PREX2: variants seen among roughly 807,000 people sequenced by gnomAD.
PREX2 encodes the protein phosphatidylinositol-3,4,5-trisphosphate dependent Rac exchange factor 2.
Under a neutral mutation model 203.2 loss-of-function variants are expected in PREX2, and 107 were observed. That is an observed-to-expected ratio of 0.53 (90% confidence interval 0.45 to 0.62). PREX2 has a LOEUF of 0.62. Among genes scored for constraint, PREX2 ranks in the 20% least tolerant of loss-of-function variants. The probability of loss-of-function intolerance (pLI) is 0.00; values close to 1 mark genes in which losing one functional copy is unlikely to be tolerated. For missense variants in PREX2, 1,777 were observed against 1,955.9 expected, an observed-to-expected ratio of 0.91 and a Z score of 1.72; for synonymous variants, 672 against 663.6, an observed-to-expected ratio of 1.01 and a Z score of -0.19.
At chr8:67,953,395 A>G (rs1052799741) in intron 1 of PREX2, among the ~76,000 whole-genome samples, 2 of 152,136 alleles carry the variant, frequency 1.3e-5, no homozygotes, top group Admixed American at 6.5e-5. Flanking sequence ...CTGCTGAGAT[A>G]ACACTCAAAA....
intron 30 of PREX2, among the ~76,000 whole-genome samples, chr8:68,127,031 C>G (rs1306223133): frequency 2.0e-5 from 3 of 152,022 alleles, no homozygotes; most frequent in Non-Finnish European, 1.5e-5. Flanking sequence ...GAACACCAAG[C>G]AGGCTAAAAC....
chr8:68,072,348 G>C, intron 13 of PREX2, 147 bp from the exon 14 acceptor site: 1 of 522,868 alleles, frequency 1.9e-6, no homozygotes, highest in Non-Finnish European at 3.4e-6. Context: ...TCTCTTATTT[G>C]CATGTAATTT....
intron 20 of PREX2, among the ~76,000 whole-genome samples, chr8:68,091,356 T>C (rs1809868722): frequency 6.6e-6 from 1 of 152,232 alleles, no homozygotes; most frequent in Non-Finnish European, 1.5e-5. Context: ...GCAAAGCTAT[T>C]ATGAAGAAAA....
intron 1 of PREX2, among the ~76,000 whole-genome samples, chr8:67,973,735 G>A (rs1053702082): frequency 6.6e-6 from 1 of 152,028 alleles, no homozygotes; most frequent in African/African-American, 2.4e-5. Context: ...TTTTTTGTGT[G>A]GTATATCACA....
intron 1 of PREX2, among the ~76,000 whole-genome samples, chr8:67,961,404 G>T (rs1184721672): frequency 2.0e-5 from 3 of 151,762 alleles, no homozygotes; most frequent in Admixed American, 2.0e-4. Context: ...TTAAAATCAA[G>T]ATCTTTGATT....
At chr8:68,188,084 T>C (rs1370430037) in intron 35 of PREX2, among the ~76,000 whole-genome samples, 1 of 152,204 alleles carries the variant, frequency 6.6e-6, no homozygotes, top group Non-Finnish European at 1.5e-5. Context: ...TTTGTGATGC[T>C]TGGTGTTTAA....
chr8:68,178,758 T>C (rs905745791), intron 35 of PREX2, among the ~76,000 whole-genome samples: 1 of 152,296 alleles, frequency 6.6e-6, no homozygotes, highest in Admixed American at 6.5e-5. Context: ...CTTTTGTGTT[T>C]GCTTTAATAA....
At chr8:67,973,493 T>G (rs1196012409) in intron 1 of PREX2, among the ~76,000 whole-genome samples, 1 of 152,190 alleles carries the variant, frequency 6.6e-6, no homozygotes, top group African/African-American at 2.4e-5. Flanking sequence ...TATCCATACT[T>G]GAATATCTTT....
At chr8:68,058,439 CTT>C (rs5892127) in intron 10 of PREX2, among the ~76,000 whole-genome samples, 5 of 147,240 alleles carry the variant, frequency 3.4e-5, no homozygotes, top group Non-Finnish European at 4.5e-5. Flanking sequence ...CATTGACATT[CTT>C]TTTTTTTTTT....
intron 1 of PREX2, among the ~76,000 whole-genome samples, chr8:68,004,590 T>G (rs1035979551): frequency 1.3e-5 from 2 of 152,256 alleles, no homozygotes; most frequent in African/African-American, 4.8e-5. Flanking sequence ...ATACGAAACA[T>G]TCTCCTTACT....
chr8:68,151,162 TG>T lies in PREX2; in HGVS notation c.4231+4811del, dbSNP rs572727548. ...AGGGCTGAATGTGATGGCTCACACT[TG>T]TAATCCCAGAACTTTCTGAGGCCAA... is the stretch of plus-strand genomic sequence containing the variant. On this transcript the variant is annotated intron_variant, in intron 34 of 39. Coordinates refer to ENST00000288368, the MANE Select transcript of PREX2 (RefSeq NM_024870.4). Among the ~76,000 whole-genome samples, 598 of 152,226 alleles carry T rather than the reference TG, an allele frequency of 3.9e-3. 8 individuals carry two copies. The highest frequency in any genetic ancestry group is 0.014 in the African/African-American group (572 of 41,538).
intron 34 of PREX2, among the ~76,000 whole-genome samples, chr8:68,150,850 G>A (rs1811419943): frequency 6.6e-6 from 1 of 152,176 alleles, no homozygotes; most frequent in Non-Finnish European, 1.5e-5. Flanking sequence ...AAGGTCAGAA[G>A]TTGGAAATCA....
intron 1 of PREX2, among the ~76,000 whole-genome samples, chr8:67,991,996 G>A (rs1806623273): frequency 6.6e-6 from 1 of 152,028 alleles, no homozygotes; most frequent in Non-Finnish European, 1.5e-5. Flanking sequence ...CCTTGTTCAC[G>A]TGAGCTCTAG....
At chr8:68,204,139 T>C (rs1812562930) in intron 37 of PREX2, among the ~76,000 whole-genome samples, 1 of 152,060 alleles carries the variant, frequency 6.6e-6, no homozygotes, top group African/African-American at 2.4e-5. Context: ...GGCTGCAGTA[T>C]TTAAGGTCCT....
intron 18 of PREX2, among the ~76,000 whole-genome samples, chr8:68,084,918 T>C (rs576049460): frequency 6.6e-6 from 1 of 152,174 alleles, no homozygotes; most frequent in African/African-American, 2.4e-5. Flanking sequence ...ATTCCAACTG[T>C]TAGAGACTTT....
intron 15 of PREX2, among the ~76,000 whole-genome samples, chr8:68,078,982 T>C (rs1193669016): frequency 6.6e-6 from 1 of 152,114 alleles, no homozygotes; most frequent in Non-Finnish European, 1.5e-5. Flanking sequence ...AGCAGAAATA[T>C]TGTGTGAACT....
In PREX2 at chr8:68,233,000, A is replaced by G. The variant is rs1813197084; in HGVS notation, c.*1622A>G. 6.6e-6 allele frequency: 1 copy of G among 152,198 alleles called. No homozygotes were observed. Among genetic ancestry groups the G allele is most frequent in the Non-Finnish European group, 1.5e-5 (1 of 68,036 alleles). The allele number at this position is 152,198 out of a possible 1,614,324, so 9.4% of individuals were successfully genotyped here. A position where few individuals can be genotyped will look rare whatever the true frequency, so the allele number is the denominator to read the frequency against. On this transcript the variant is annotated 3_prime_UTR_variant, in exon 40 of 40. Transcript: ENST00000288368. ...CTTTATCATTAACCATTATGTATTG[A>G]ATAACAAAAATACCATGTTACATGT...
rs1810384704 is a variant in PREX2 at position 68,105,522 on chromosome 8, A to C, written c.2716-2587A>C. 10 of 1,155,996 alleles carry C rather than the reference A, an allele frequency of 8.7e-6. No individual in the cohort carries two copies. In the South Asian group the frequency reaches 1.8e-4, roughly 21 times the overall value. The allele number at this position is 1,155,996 out of a possible 1,614,324, so 71.6% of individuals were successfully genotyped here. A position where few individuals can be genotyped will look rare whatever the true frequency, so the allele number is the denominator to read the frequency against. ...GAGAATCTTCTGCCAGCTCTCCCCG[A>C]TTACTCCATTAACACTTCTTGACAT... is the stretch of plus-strand genomic sequence containing the variant. On this transcript the variant is annotated intron_variant, in intron 23 of 39. Transcript: ENST00000288368.
Position 68,177,874 on chromosome 8 carries a change from G to T in PREX2, c.4347-13848G>T, listed in dbSNP as rs190055005. On this transcript the variant is annotated intron_variant, in intron 35 of 39. Transcript: ENST00000288368. ...CTCAGCGTTTAGCTTCCACTTACAAGTGAGAACATGCAGTGTTTGGTTTTC... is the reference window on the plus strand; with the variant it reads ...CTCAGCGTTTAGCTTCCACTTACAATTGAGAACATGCAGTGTTTGGTTTTC... Among the ~76,000 whole-genome samples, 46 of 152,170 alleles carry T rather than the reference G, an allele frequency of 3.0e-4. 1 individual carries two copies. In the East Asian group the frequency reaches 8.7e-3, roughly 29 times the overall value.
Sources: allele counts gnomAD v4.1 joint callset (sites outside exome capture counted in the v4.1 genomes callset), GRCh38; gene constraint gnomAD v4.1.1; transcripts MANE v1.5; gene names NCBI Gene and HGNC (gene_info 2026-07-23, HGNC 2026-07-21).